Variants in PCCA observed in about 807,000 individuals in gnomAD.
PCCA encodes the protein propionyl-CoA carboxylase alpha chain, mitochondrial.
Under a neutral mutation model 101.3 loss-of-function variants are expected in PCCA, and 74 were observed. The ratio of observed to expected loss-of-function variants is 0.73; its 90% CI spans 0.61 to 0.89. The LOEUF (loss-of-function observed/expected upper bound fraction) is 0.89. PCCA is among the 40% of genes least tolerant of loss of function. The probability of loss-of-function intolerance (pLI) is 0.00; values close to 1 mark genes in which losing one functional copy is unlikely to be tolerated. For synonymous variants in PCCA, 294 were observed against 313.6 expected (o/e 0.94, Z 0.66); for missense variants, 891 against 907.0 (o/e 0.98, Z 0.23).
At chr13:100,399,201 T>A (rs920433434) in intron 19 of PCCA, among the ~76,000 whole-genome samples, 4 of 152,100 alleles carry the variant, frequency 2.6e-5, no homozygotes, top group African/African-American at 9.7e-5. Flanking sequence ...TAAAAATTAC[T>A]CACGTATTCA....
At chr13:100,506,804 G>A (rs575603790) in intron 21 of PCCA, among the ~76,000 whole-genome samples, 9 of 152,284 alleles carry the variant, frequency 5.9e-5, no homozygotes, top group Admixed American at 3.9e-4. Context: ...GTTGGGCACC[G>A]TCGTGAAATG....
intron 4 of PCCA, among the ~76,000 whole-genome samples, chr13:100,135,512 T>C (rs773988567): frequency 6.6e-6 from 1 of 152,228 alleles, no homozygotes; most frequent in Non-Finnish European, 1.5e-5. Flanking sequence ...AATGTTGACC[T>C]TGCATTCTGT....
chr13:100,130,874 A>G (rs2050436356), intron 4 of PCCA, among the ~76,000 whole-genome samples: 1 of 152,170 alleles, frequency 6.6e-6, no homozygotes, highest in Admixed American at 6.5e-5. Flanking sequence ...TACACAACCT[A>G]TTTGTGAAGG....
chr13:100,263,748 T>G (rs1319242575), intron 10 of PCCA, among the ~76,000 whole-genome samples: 1 of 152,018 alleles, frequency 6.6e-6, no homozygotes, highest in Non-Finnish European at 1.5e-5. Flanking sequence ...TTTTCTAAAT[T>G]GATATATCAC....
At chr13:100,125,525 T>C (rs2049873252) in intron 4 of PCCA, among the ~76,000 whole-genome samples, 1 of 152,200 alleles carries the variant, frequency 6.6e-6, no homozygotes, top group Admixed American at 6.5e-5. Context: ...GTTTAAAAAA[T>C]GGCATAATGG....
intron 16 of PCCA, among the ~76,000 whole-genome samples, chr13:100,312,258 G>A (rs1221517052): frequency 1.3e-5 from 2 of 152,208 alleles, no homozygotes; most frequent in African/African-American, 2.4e-5. Context: ...TTGAAAAAGG[G>A]TAGTGGGAGT....
At chr13:100,345,759 A>G (rs1195162353) in intron 18 of PCCA, among the ~76,000 whole-genome samples, 1 of 152,200 alleles carries the variant, frequency 6.6e-6, no homozygotes, top group African/African-American at 2.4e-5. Context: ...CAGAGCTTCA[A>G]AGAACCAGCT....
chr13:100,448,681 TTATA>T (rs2081010647), intron 20 of PCCA, among the ~76,000 whole-genome samples: 1 of 152,250 alleles, frequency 6.6e-6, no homozygotes, highest in African/African-American at 2.4e-5. Flanking sequence ...CAAATTTTAT[TTATA>T]AATAAATGAA....
rs746733688 is a variant in PCCA, at chr13:100,330,607, AC to A, written c.1477del (p.Arg493AlafsTer3). The A allele has an allele frequency of 1.9e-6, 3 of 1,613,050 alleles. No homozygotes were observed. The highest frequency in any genetic ancestry group is 2.5e-6 in the Non-Finnish European group (3 of 1,179,198). On this transcript the variant is annotated frameshift_variant, in exon 17 of 24. Transcript: ENST00000376285. LOFTEE classifies it high-confidence loss of function. The stretch of plus-strand genomic sequence containing the variant: ...TACTTCGAGAGGTGATAATCAACTC[AC>A]GCTTTGTAAAAGGAGACATCAGCAC... ...ALLREVIINSRFVKGDISTKF... is the reference protein window; with the variant it reads ...ALLREVIINSXFVKGDISTKF...
At chr13:100,438,867 A>G (rs1195855433) in intron 20 of PCCA, among the ~76,000 whole-genome samples, 1 of 152,168 alleles carries the variant, frequency 6.6e-6, no homozygotes, top group African/African-American at 2.4e-5. Flanking sequence ...TCATTTCAAC[A>G]TGAAAGACTT....
At chr13:100,487,911 G>A (rs2084522376) in intron 21 of PCCA, among the ~76,000 whole-genome samples, 1 of 146,700 alleles carries the variant, frequency 6.8e-6, no homozygotes, top group African/African-American at 2.5e-5. Flanking sequence ...AAAAAAAAAT[G>A]TAGAAACAAG....
intron 18 of PCCA, among the ~76,000 whole-genome samples, chr13:100,357,563 A>G (rs1014580070): frequency 2.6e-5 from 4 of 152,222 alleles, no homozygotes; most frequent in African/African-American, 9.6e-5. Flanking sequence ...TTCAGTTCCT[A>G]CAATGGCAGT....
chr13:100,256,366 C>T (rs1276341668), intron 8 of PCCA, among the ~76,000 whole-genome samples: 1 of 152,072 alleles, frequency 6.6e-6, no homozygotes, highest in Non-Finnish European at 1.5e-5. Context: ...CCCTGTGATC[C>T]TTTCTGTTTT....
chr13:100,335,330 G>A (rs1356289040), intron 17 of PCCA, among the ~76,000 whole-genome samples: 1 of 152,026 alleles, frequency 6.6e-6, no homozygotes, highest in Non-Finnish European at 1.5e-5. Flanking sequence ...AAAGACACAA[G>A]CCCACTAGGA....
intron 4 of PCCA, among the ~76,000 whole-genome samples, chr13:100,134,902 A>G (rs1210298528): frequency 2.0e-5 from 3 of 146,520 alleles, no homozygotes; most frequent in Non-Finnish European, 3.0e-5. Context: ...GATCCTGCAC[A>G]TGCTTTGTTT....
intron 6 of PCCA, among the ~76,000 whole-genome samples, chr13:100,176,281 A>T (rs2056232501): frequency 6.6e-6 from 1 of 152,212 alleles, no homozygotes; most frequent in Admixed American, 6.5e-5. Context: ...TTTTGTAGAA[A>T]AACTTCATAT....
chr13:100,433,062 T>C (rs962839544), intron 20 of PCCA, among the ~76,000 whole-genome samples: 1 of 152,246 alleles, frequency 6.6e-6, no homozygotes, highest in African/African-American at 2.4e-5. Flanking sequence ...TTGGGTTGTT[T>C]CTACCTTTTG....
intron 18 of PCCA, among the ~76,000 whole-genome samples, chr13:100,363,176 G>A (rs185588612): frequency 2.0e-5 from 3 of 151,716 alleles, no homozygotes; most frequent in East Asian, 1.9e-4. Context: ...CCATCTCAAC[G>A]TTCTAAAAGT....
intron 22 of PCCA, among the ~76,000 whole-genome samples, chr13:100,522,543 A>G (rs1359229674): frequency 6.6e-6 from 1 of 152,180 alleles, no homozygotes; most frequent in Non-Finnish European, 1.5e-5. Flanking sequence ...GATGCTGTGA[A>G]CGTCCCCTGG....
Sources: gnomAD v4.1 joint callset for allele counts (sites outside exome capture counted in the v4.1 genomes callset) on GRCh38, gnomAD v4.1.1 for gene constraint, MANE v1.5 for transcripts, NCBI Gene and HGNC (gene_info 2026-07-23, HGNC 2026-07-21) for gene names.